The following ACSM2A variants were observed in gnomAD, a reference collection of about 807,000 sequenced individuals.
The protein encoded by ACSM2A is acyl-coenzyme A synthetase ACSM2A, mitochondrial.
Under a neutral mutation model 76.6 loss-of-function variants are expected in ACSM2A, and 72 were observed. The ratio of observed to expected loss-of-function variants is 0.94; its 90% CI spans 0.78 to 1.14. The LOEUF (loss-of-function observed/expected upper bound fraction) is 1.14. Among genes scored for constraint, ACSM2A ranks in the 50% most tolerant of loss-of-function variants. The probability of loss-of-function intolerance (pLI) is 0.00; values close to 1 mark genes in which losing one functional copy is unlikely to be tolerated. For missense variants in ACSM2A, 684 were observed against 708.5 expected, an observed-to-expected ratio of 0.97 and a Z score of 0.39; for synonymous variants, 249 against 255.9, an observed-to-expected ratio of 0.97 and a Z score of 0.26.
intron 12 of ACSM2A, chr16:20,482,323 G>T (rs1234071743): frequency 1.3e-5 from 2 of 152,076 alleles, no homozygotes; most frequent in African/African-American, 4.8e-5. Context: ...AGGGATTTGA[G>T]CCAAAGGACA....
chr16:20,485,657 T>G (rs1444408349), intron 13 of ACSM2A, among the ~76,000 whole-genome samples: 1 of 152,244 alleles, frequency 6.6e-6, no homozygotes, highest in African/African-American at 2.4e-5. Flanking sequence ...GGCCATAGTT[T>G]GCTGACCTCT....
chr16:20,479,952 C>T (rs777931193), intron 10 of ACSM2A, among the ~76,000 whole-genome samples: 12 of 152,166 alleles, frequency 7.9e-5, no homozygotes, highest in Admixed American at 3.3e-4. Context: ...GGCTAAGAAT[C>T]CTTTATGCCA....
chr16:20,481,218 C>T, intron 12 of ACSM2A: 1 of 397,584 alleles, frequency 2.5e-6, no homozygotes. Flanking sequence ...AATCCCACTA[C>T]TGGGTATTTA....
rs1346126016 is a variant in ACSM2A, at chr16:20,481,265, C to T, written c.1509+344C>T. 5 of 305,916 alleles carry T rather than the reference C, an allele frequency of 1.6e-5. No homozygotes were observed. In the East Asian group the frequency reaches 2.8e-4, roughly 17 times the overall value. The allele number at this position is 305,916 out of a possible 1,614,324, so 19.0% of individuals were successfully genotyped here. A position where few individuals can be genotyped will look rare whatever the true frequency, so the allele number is the denominator to read the frequency against. On this transcript the variant is annotated intron_variant, in intron 12 of 13. Coordinates refer to ENST00000573854, the MANE Select transcript of ACSM2A (RefSeq NM_001308172.2). ...AGAAATCAGCATATCAAGAAGATGT[C>T]CACACTCCCATGGTAATTGCAGCAC...
chr16:20,486,699 T>C lies in ACSM2A; in HGVS notation c.*21T>C, dbSNP rs187350070. ...AGTGAGACATCTAAGAGACATTCAT[T>C]TGGATTCCCCTCTTCTTTCTCTTTC... On this transcript the variant is annotated 3_prime_UTR_variant, in exon 14 of 14. Transcript: ENST00000573854. The C allele has an allele frequency of 3.2e-4, 509 of 1,612,956 alleles. 3 individuals carry two copies. The highest frequency in any genetic ancestry group is 3.0e-3 in the Admixed American group (180 of 60,010).
At chr16:20,483,759 T>G (rs527577358) in intron 13 of ACSM2A, among the ~76,000 whole-genome samples, 1 of 152,188 alleles carries the variant, frequency 6.6e-6, no homozygotes, top group East Asian at 1.9e-4. Flanking sequence ...TGCACTGGGT[T>G]CTTGCTATAG....
At position 20,464,724 on chromosome 16, in the gene ACSM2A, C is replaced by T. The variant is rs577800201; in HGVS notation, c.178-793C>T. ...CAAATATTCAGACAATATCATGTAT[C>T]TAGAATAGTCAAATTCATAGAGTCG... On this transcript the variant is annotated intron_variant, in intron 2 of 13. Transcript: ENST00000573854. Among the ~76,000 whole-genome samples, 152 of 152,148 alleles carry T rather than the reference C, an allele frequency of 1.0e-3. 1 individual carries two copies. Among genetic ancestry groups the T allele is most frequent in the African/African-American group, 3.4e-3 (140 of 41,506 alleles).
chr16:20,463,951 C>A (rs2012796519), intron 2 of ACSM2A, among the ~76,000 whole-genome samples: 1 of 152,092 alleles, frequency 6.6e-6, no homozygotes, highest in African/African-American at 2.4e-5. Flanking sequence ...TTAAAAATTT[C>A]TTCTCTCAGA....
intron 2 of ACSM2A, among the ~76,000 whole-genome samples, chr16:20,465,136 C>T (rs1050868305): frequency 5.3e-5 from 8 of 151,796 alleles, no homozygotes; most frequent in South Asian, 2.1e-4. Context: ...TCTACTAAGA[C>T]GTTAAAGGGA....
chr16:20,481,784 C>A (rs1334818087), intron 12 of ACSM2A: 6 of 139,038 alleles, frequency 4.3e-5, no homozygotes, highest in African/African-American at 1.6e-4. Context: ...CCCCAAGTAT[C>A]CTAACTTGAT....
intron 4 of ACSM2A, 152 bp downstream of exon 4, chr16:20,469,871 TA>T (rs375086631): frequency 0.06 from 26,460 of 437,414 alleles, 563 homozygotes; most frequent in East Asian, 0.37. Context: ...AACACAAGGG[TA>T]TTTTTTTTTT....
rs375165622 is a variant in ACSM2A at position 20,475,399 on chromosome 16, C to T, written c.932C>T (p.Ala311Val). 14 of 1,613,658 alleles carry T rather than the reference C, an allele frequency of 8.7e-6. No individual in the cohort carries two copies. Among genetic ancestry groups the T allele is most frequent in the African/African-American group, 5.3e-5 (4 of 74,868 alleles). Residue 311 changes from alanine (A) to valine (V), a missense_variant, in exon 7 of 14, where the codon GCC becomes GTC. Transcript: ENST00000573854. ...SSYPIKSMMG[A>V]PIVYRMLLQQ... Reference sequence around the variant, plus strand: ...TATCCAATCAAGAGTATGATGGGTGCCCCCATTGTTTACCGGATGTTGCTA... The same window carrying T: ...TATCCAATCAAGAGTATGATGGGTGTCCCCATTGTTTACCGGATGTTGCTA...
rs1326759713 is a variant in ACSM2A at position 20,487,247 on chromosome 16, G to T, written c.*569G>T. The T allele has an allele frequency of 6.6e-6, 1 of 152,172 alleles. No homozygotes were observed. The highest frequency in any genetic ancestry group is 2.4e-5 in the African/African-American group (1 of 41,420). The allele number at this position is 152,172 out of a possible 1,614,324, so 9.4% of individuals were successfully genotyped here. ...AATGGAAGACAGGAAGAAAAGAAGA[G>T]AAGGAAGTAAAGAGGAAAACTTATA... On this transcript the variant is annotated 3_prime_UTR_variant, in exon 14 of 14. Coordinates refer to ENST00000573854, the MANE Select transcript of ACSM2A (RefSeq NM_001308172.2).
intron 13 of ACSM2A, among the ~76,000 whole-genome samples, chr16:20,485,207 G>T (rs764486306): frequency 6.6e-6 from 1 of 152,138 alleles, no homozygotes; most frequent in African/African-American, 2.4e-5. Context: ...AAGATATTAC[G>T]AATGTTTAAG....
rs2012820928 is a variant in ACSM2A at position 20,464,226 on chromosome 16, T to G, written c.178-1291T>G. Reference sequence around the variant, plus strand: ...GTCTCTTCTAAGCCCTCCAAACTCTTCGATTTCTTCCCATGACCTAGTTCC... The same window carrying G: ...GTCTCTTCTAAGCCCTCCAAACTCTGCGATTTCTTCCCATGACCTAGTTCC... On this transcript the variant is annotated intron_variant, in intron 2 of 13. Transcript: ENST00000573854. Among the ~76,000 whole-genome samples the G allele has an allele frequency of 2.0e-5, 3 of 152,330 alleles. No homozygotes were observed. The South Asian group carries it at 6.2e-4, about 32-fold the overall frequency.
intron 2 of ACSM2A, among the ~76,000 whole-genome samples, 180 bp from the exon 3 acceptor site, chr16:20,465,337 G>T (rs546016291): frequency 2.0e-5 from 3 of 152,232 alleles, no homozygotes; most frequent in Admixed American, 2.0e-4. Flanking sequence ...GGTAGATATT[G>T]ACAGATATAA....
intron 5 of ACSM2A, 102 bp downstream of exon 5, chr16:20,471,318 CCTT>C (rs2013380258): frequency 1.3e-6 from 2 of 1,527,046 alleles, no homozygotes; most frequent in African/African-American, 2.8e-5. Flanking sequence ...CGGGGTCCCA[CCTT>C]CTGAACATTC....
intron 13 of ACSM2A, 28 bp from the exon 14 acceptor site, chr16:20,486,546 C>T (rs201741895): frequency 2.0e-4 from 321 of 1,612,380 alleles, no homozygotes; most frequent in Non-Finnish European, 1.4e-5. Flanking sequence ...ACAGATCACC[C>T]ACCCTGGACT....
chr16:20,453,136 T>C (rs1032312483), intron 1 of ACSM2A: 11 of 151,992 alleles, frequency 7.2e-5, no homozygotes, highest in African/African-American at 2.7e-4. Context: ...ACATAAGCTC[T>C]TATCATGTTA....
Sources: allele counts gnomAD v4.1 joint callset (sites outside exome capture counted in the v4.1 genomes callset), GRCh38; gene constraint gnomAD v4.1.1; transcripts MANE v1.5; gene names NCBI Gene and HGNC (gene_info 2026-07-23, HGNC 2026-07-21).